Variants in TOP2B observed in about 807,000 individuals in gnomAD.
TOP2B encodes the protein DNA topoisomerase 2-beta.
In TOP2B, 51 loss-of-function variants were observed where a neutral mutation model predicts 193.5. That is an observed-to-expected ratio of 0.26 (90% CI 0.21 to 0.33). TOP2B has a LOEUF of 0.33. TOP2B is among the 10% of genes least tolerant of loss of function. The pLI, the probability that TOP2B is intolerant of heterozygous loss-of-function variation, is 1.00. For missense variants in TOP2B, 1,378 were observed against 1,909.3 expected (o/e 0.72, Z 5.19); for synonymous variants, 634 against 635.7 (o/e 1.00, Z 0.04).
At chr3:25,614,588 G>A (rs1429225615) in intron 27 of TOP2B, among the ~76,000 whole-genome samples, 1 of 151,448 alleles carries the variant, frequency 6.6e-6, no homozygotes, top group Non-Finnish European at 1.5e-5. Context: ...AGTAAAAGTA[G>A]AGCATGTAGA....
chr3:25,601,202 G>A lies in TOP2B; in HGVS notation c.4513C>T (p.Pro1505Ser), dbSNP rs114586748. 3.1e-6 allele frequency: 5 copies of A among 1,613,472 alleles called. No individual in the cohort carries two copies. Among genetic ancestry groups the A allele is most frequent in the Non-Finnish European group, 4.2e-6 (5 of 1,179,654 alleles). ...KKGKPSSDTVPKPKRAPKQKK... is the reference protein window; with the variant it reads ...KKGKPSSDTVSKPKRAPKQKK... ...TGTTTTGGGGCTCTCTTGGGCTTAG[G>A]GACTGTATCTGAAGACGGTTTTCCT... Residue 1505 changes from proline to serine, a missense_variant, in exon 34 of 36, where the codon CCT becomes TCT. Transcript: ENST00000264331.
chr3:25,633,129 G>A (rs900834402), intron 8 of TOP2B, among the ~76,000 whole-genome samples: 11 of 152,050 alleles, frequency 7.2e-5, no homozygotes, highest in African/African-American at 2.7e-4. Context: ...GTTAGCACAA[G>A]TATTTAGGGT....
chr3:25,660,147 C>T (rs956009896), intron 1 of TOP2B, among the ~76,000 whole-genome samples: 9 of 152,160 alleles, frequency 5.9e-5, no homozygotes, highest in Non-Finnish European at 1.0e-4. Context: ...TGCCTAAATA[C>T]TGCTATATCA....
At chr3:25,659,008 C>T (rs1201292753) in intron 1 of TOP2B, among the ~76,000 whole-genome samples, 5 of 152,168 alleles carry the variant, frequency 3.3e-5, no homozygotes, top group South Asian at 2.1e-4. Flanking sequence ...GCCACTCATT[C>T]ACATAATCAA....
chr3:25,624,938 G>A, intron 18 of TOP2B, 135 bp from the exon 19 acceptor site: 1 of 790,836 alleles, frequency 1.3e-6, no homozygotes, highest in East Asian at 2.8e-5. Context: ...AACAAAGTGA[G>A]TACATACTAA....
At chr3:25,639,198 G>A (rs1445098696) in intron 4 of TOP2B, among the ~76,000 whole-genome samples, 1 of 152,134 alleles carries the variant, frequency 6.6e-6, no homozygotes, top group South Asian at 2.1e-4. Context: ...ATATAATTTA[G>A]CATGAGTATG....
chr3:25,662,358 A>G (rs1703942255), intron 1 of TOP2B, among the ~76,000 whole-genome samples: 1 of 152,212 alleles, frequency 6.6e-6, no homozygotes, highest in Admixed American at 6.5e-5. Flanking sequence ...GATGTATATT[A>G]TGGACATAAA....
Position 25,602,420 on chromosome 3 carries a change from A to G in TOP2B, c.4490-1195T>C, listed in dbSNP as rs927293236. On this transcript the variant is annotated intron_variant, in intron 33 of 35. Transcript: ENST00000264331. Reference sequence around the variant, plus strand: ...TCAAAAAAAAAAAAAGAAAAAGAAAAAAAAAAAACTGATAAATCACTTTTT... The same window carrying G: ...TCAAAAAAAAAAAAAGAAAAAGAAAGAAAAAAAACTGATAAATCACTTTTT... Among the ~76,000 whole-genome samples, 3 of 150,436 alleles carry G rather than the reference A, an allele frequency of 2.0e-5. No individual in the cohort carries two copies. The East Asian group carries it at 5.8e-4, about 29-fold the overall frequency.
intron 2 of TOP2B, 51 bp downstream of exon 2, chr3:25,645,249 G>A: frequency 7.1e-7 from 1 of 1,416,248 alleles, no homozygotes; most frequent in Non-Finnish European, 9.4e-7. Flanking sequence ...ATATTAAAAA[G>A]TAAATATAGA....
intron 1 of TOP2B, among the ~76,000 whole-genome samples, chr3:25,648,432 G>A (rs934248473): frequency 6.6e-6 from 1 of 152,160 alleles, no homozygotes; most frequent in African/African-American, 2.4e-5. Context: ...AGACTAACTG[G>A]ATGAAGAAAG....
chr3:25,615,439 C>A lies in TOP2B; in HGVS notation c.3499G>T (p.Asp1167Tyr). ...CCCACAAAAGTTCATACTTTTGCAT[C>A]TCTCTGTTTAATCAGTTCTTCAACT... ...EKVEELIKQR[D>Y]AKGREVNDLK... is the part of the protein sequence containing the mutation. The change falls in exon 26 of 36, where the codon GAT (aspartate) becomes TAT (tyrosine). Residue 1167 changes from aspartate to tyrosine, a missense_variant. Coordinates refer to ENST00000264331, the MANE Select transcript of TOP2B (RefSeq NM_001330700.2). 1.3e-6 allele frequency: 2 copies of A among 1,550,302 alleles called. No homozygotes were observed. The highest frequency in any genetic ancestry group is 1.7e-6 in the Non-Finnish European group (2 of 1,151,606).
intron 3 of TOP2B, among the ~76,000 whole-genome samples, chr3:25,643,350 A>C (rs1559506031): frequency 6.6e-6 from 1 of 152,166 alleles, no homozygotes; most frequent in Non-Finnish European, 1.5e-5. Flanking sequence ...AACTCAACGA[A>C]TCTGCAAAAT....
chr3:25,601,632 G>A (rs186131459), intron 33 of TOP2B, among the ~76,000 whole-genome samples: 25 of 152,064 alleles, frequency 1.6e-4, no homozygotes, highest in Admixed American at 1.3e-3. Context: ...AAATTGAGTC[G>A]CCTTAAATAA....
chr3:25,604,953 C>A, intron 32 of TOP2B, 83 bp from the exon 33 acceptor site: 1 of 897,572 alleles, frequency 1.1e-6, no homozygotes, highest in Non-Finnish European at 1.8e-6. Flanking sequence ...CTGATGACTT[C>A]CCTTTAGCTA....
In TOP2B at chr3:25,630,120, T is replaced by C; in HGVS notation, c.1598A>G (p.Lys533Arg). ...TTTCTTATATTGTAGACCAACTATT[T>C]TAATAATATTATTTATTTCAGCATT... The part of the protein sequence containing the change: ...MENAEINNII[K>R]IVGLQYKKSY... The change falls in exon 13 of 36, where the codon AAA becomes AGA. Residue 533 changes from lysine (K) to arginine (R), a missense_variant. Lys to Arg is a conservative substitution (Grantham distance 26). This residue lies in a region of TOP2B where 66 missense variants were observed against 153.3 expected (regional missense o/e 0.43). Coordinates refer to ENST00000264331, the MANE Select transcript of TOP2B (RefSeq NM_001330700.2). The C allele has an allele frequency of 6.3e-7, 1 of 1,576,670 alleles. No individual in the cohort carries two copies. Among genetic ancestry groups the C allele is most frequent in the Non-Finnish European group, 8.6e-7 (1 of 1,160,108 alleles).
chr3:25,634,795 A>C (rs531223457), intron 7 of TOP2B, among the ~76,000 whole-genome samples: 1,992 of 146,760 alleles, frequency 0.014, 70 homozygotes, highest in African/African-American at 0.047. Flanking sequence ...AAAAAAAAAA[A>C]AACCAAAAAA....
chr3:25,649,755 G>C (rs1013692286), intron 1 of TOP2B, among the ~76,000 whole-genome samples: 1 of 152,026 alleles, frequency 6.6e-6, no homozygotes, highest in Admixed American at 6.6e-5. Flanking sequence ...AAATGATAAA[G>C]GGAGTCCCTT....
intron 15 of TOP2B, 75 bp downstream of exon 15, chr3:25,628,772 A>T (rs1702877221): frequency 1.1e-6 from 1 of 914,006 alleles, no homozygotes; most frequent in African/African-American, 1.7e-5. Context: ...CAAACTTTCA[A>T]GTCATCTTTT....
intron 25 of TOP2B, chr3:25,618,159 G>A: frequency 2.5e-6 from 1 of 401,342 alleles, no homozygotes; most frequent in Non-Finnish European, 4.5e-6. Flanking sequence ...AGGTCAAGGA[G>A]ACTGAGCTAC....
Sources: allele counts gnomAD v4.1 joint callset (sites outside exome capture counted in the v4.1 genomes callset), GRCh38; gene constraint gnomAD v4.1.1; regional missense constraint gnomAD v4.1.1; transcripts MANE v1.5; gene names NCBI Gene and HGNC (gene_info 2026-07-23, HGNC 2026-07-21).